Variants in MARCHF4 observed in about 807,000 individuals in gnomAD.
The protein encoded by MARCHF4 is E3 ubiquitin-protein ligase MARCHF4.
MARCHF4 carries 14 observed loss-of-function variants against 43.9 expected under a neutral mutation model. The ratio of observed to expected loss-of-function variants is 0.32; its 90% CI spans 0.21 to 0.50. MARCHF4 has a LOEUF of 0.50. MARCHF4 is among the 20% of genes least tolerant of loss of function. The pLI is 0.98. For missense variants in MARCHF4, 468 were observed against 536.7 expected (o/e 0.87, Z 1.27); for synonymous variants, 226 against 213.3 (o/e 1.06, Z -0.52).
At position 216,277,811 on chromosome 2, in the gene MARCHF4, G is replaced by C; in HGVS notation, c.726C>G (p.Ile242Met). The C allele has an allele frequency of 6.2e-7, 1 of 1,614,124 alleles. No individual in the cohort carries two copies. ...VIEKVQVAAA[I>M]LGSLFLIASI... ...TGGCGATGAGGAAGAGGGAGCCCAG[G>C]ATGGCGGCTGCAACCTGAACCTTCT... Residue 242 changes from isoleucine (I) to methionine (M), a missense_variant, in exon 3 of 4, where the codon ATC becomes ATG. By Grantham distance (10) the Ile-to-Met change is conservative (BLOSUM62 1). Coordinates refer to ENST00000273067, the MANE Select transcript of MARCHF4 (RefSeq NM_020814.3).
At chr2:216,306,499 C>A (rs183086569) in intron 1 of MARCHF4, among the ~76,000 whole-genome samples, 10,292 of 152,132 alleles carry the variant, frequency 0.068, 1,146 homozygotes, top group African/African-American at 0.24. Flanking sequence ...TTTGTCAAGA[C>A]ATTATAATCT....
chr2:216,278,005 T>C (rs376930129), intron 2 of MARCHF4, 141 bp from the exon 3 acceptor site: 1 of 682,722 alleles, frequency 1.5e-6, no homozygotes, highest in East Asian at 2.9e-5. Flanking sequence ...ACAATGAGCA[T>C]TTTGCAGGTT....
At chr2:216,357,329 A>T (rs1692518456) in intron 1 of MARCHF4, among the ~76,000 whole-genome samples, 1 of 152,060 alleles carries the variant, frequency 6.6e-6, no homozygotes, top group Non-Finnish European at 1.5e-5. Context: ...ACACACACAC[A>T]CACACAATTT....
At position 216,277,714 on chromosome 2, in the gene MARCHF4, T is replaced by C. The variant is rs1691049973; in HGVS notation, c.823A>G (p.Ile275Val). 3 of 1,613,862 alleles carry C rather than the reference T, an allele frequency of 1.9e-6. No homozygotes were observed. The highest frequency in any genetic ancestry group is 1.3e-5 in the African/African-American group (1 of 74,924). Residue 275 changes from isoleucine (I) to valine (V), a missense_variant, in exon 3 of 4, where the codon ATC (isoleucine) becomes GTC (valine). By Grantham distance (29) the Ile-to-Val change is conservative. Transcript: ENST00000273067. ...ATGAAGCCATACATCCCGTAGCAGA[T>C]CTGGAAGAGAAGGTCTTGGCGCTGC... ...RWQRQDLLFQ[I>V]CYGMYGFMDV...
At chr2:216,277,565 G>A in intron 3 of MARCHF4, 107 bp downstream of exon 3, 1 of 1,199,136 alleles carries the variant, frequency 8.3e-7, no homozygotes. Flanking sequence ...TCTCAAGCCT[G>A]GGGCCATATC....
At chr2:216,280,019 C>T (rs555786613) in intron 2 of MARCHF4, among the ~76,000 whole-genome samples, 3 of 152,278 alleles carry the variant, frequency 2.0e-5, no homozygotes, top group Admixed American at 1.3e-4. Context: ...ATCCCTAAAA[C>T]CCCTTCTACC....
intron 3 of MARCHF4, among the ~76,000 whole-genome samples, chr2:216,268,309 T>C (rs1246533854): frequency 6.6e-6 from 1 of 152,186 alleles, no homozygotes; most frequent in Non-Finnish European, 1.5e-5. Flanking sequence ...TAGAGGTGAT[T>C]AGTAGCCGAT....
intron 2 of MARCHF4, among the ~76,000 whole-genome samples, chr2:216,281,334 G>A: frequency 6.6e-6 from 1 of 152,136 alleles, no homozygotes; most frequent in East Asian, 1.9e-4. Context: ...TCAGTGCTGG[G>A]ATCACAAATG....
At chr2:216,331,902 A>G (rs1296670465) in intron 1 of MARCHF4, among the ~76,000 whole-genome samples, 3 of 152,226 alleles carry the variant, frequency 2.0e-5, no homozygotes, top group Non-Finnish European at 4.4e-5. Context: ...CCATGAAATC[A>G]GAAATGAAAA....
At chr2:216,351,105 G>A (rs984557117) in intron 1 of MARCHF4, among the ~76,000 whole-genome samples, 2 of 152,066 alleles carry the variant, frequency 1.3e-5, no homozygotes, top group Non-Finnish European at 2.9e-5. Context: ...TATATTTCTG[G>A]AGCATAATAG....
rs1356894410 is a variant in MARCHF4, at chr2:216,320,665, TTCTTTCTTTC to T, written c.517-36946_517-36937del. On this transcript the variant is annotated intron_variant, in intron 1 of 3. Coordinates refer to ENST00000273067, the MANE Select transcript of MARCHF4 (RefSeq NM_020814.3). Reference sequence around the variant, plus strand: ...TTTCTTTCTTTCTTTCTTTCTTTCTTTCTTTCTTTCTTTTTTTTTTTTTGAGATGGAGTCC... The same window carrying T: ...TTTCTTTCTTTCTTTCTTTCTTTCTTTTTTTTTTTTTTTGAGATGGAGTCC... Among the ~76,000 whole-genome samples the T allele has an allele frequency of 2.7e-4, 30 of 112,588 alleles. 1 individual carries two copies. Among genetic ancestry groups the T allele is most frequent in the African/African-American group, 1.0e-3 (24 of 23,824 alleles). 73.9% of individuals were successfully genotyped at this position (112,588 alleles called of 152,430 possible). A position where few individuals can be genotyped will look rare whatever the true frequency, so the allele number is the denominator to read the frequency against.
intron 1 of MARCHF4, among the ~76,000 whole-genome samples, chr2:216,327,432 A>AC (rs1337971175): frequency 6.6e-6 from 1 of 150,682 alleles, no homozygotes; most frequent in East Asian, 1.9e-4. Flanking sequence ...GCTCCTCCCC[A>AC]CCCCCAGCCA....
chr2:216,265,658 C>T (rs114778112), intron 3 of MARCHF4: 1 of 152,108 alleles, frequency 6.6e-6, no homozygotes, highest in Admixed American at 6.5e-5. Flanking sequence ...CCATGCCTGG[C>T]TAATTTCTGC....
chr2:216,359,068 C>T (rs562508312), intron 1 of MARCHF4, among the ~76,000 whole-genome samples: 3 of 152,298 alleles, frequency 2.0e-5, no homozygotes, highest in Non-Finnish European at 4.4e-5. Context: ...AGCTGGGTAA[C>T]AGACAAACCC....
Position 216,320,671 on chromosome 2 carries a change from CTTTCTTT to C in MARCHF4, c.517-36949_517-36943del, listed in dbSNP as rs1483739604. Among the ~76,000 whole-genome samples, 14 of 56,632 alleles carry C rather than the reference CTTTCTTT, an allele frequency of 2.5e-4. No homozygotes were observed. In the East Asian group the frequency reaches 4.0e-3, roughly 16 times the overall value. The allele number at this position is 56,632 out of a possible 152,430, so 37.2% of individuals were successfully genotyped here. Reference sequence around the variant, plus strand: ...TCTTTCTTTCTTTCTTTCTTTCTTTCTTTCTTTTTTTTTTTTTGAGATGGAGTCCCAC... The same window carrying C: ...TCTTTCTTTCTTTCTTTCTTTCTTTCTTTTTTTTTTGAGATGGAGTCCCAC... On this transcript the variant is annotated intron_variant, in intron 1 of 3. Transcript: ENST00000273067.
chr2:216,279,249 T>G (rs1691084742), intron 2 of MARCHF4, among the ~76,000 whole-genome samples: 1 of 152,132 alleles, frequency 6.6e-6, no homozygotes, highest in Non-Finnish European at 1.5e-5. Context: ...GAAAGGCCTG[T>G]GCCAGAAGAA....
intron 3 of MARCHF4, among the ~76,000 whole-genome samples, chr2:216,260,609 G>A (rs544690521): frequency 6.6e-6 from 1 of 152,336 alleles, no homozygotes; most frequent in South Asian, 2.1e-4. Flanking sequence ...CAGAGAGAAG[G>A]TCAGTGTGAC....
At chr2:216,325,111 T>G (rs544175145) in intron 1 of MARCHF4, among the ~76,000 whole-genome samples, 116 of 152,202 alleles carry the variant, frequency 7.6e-4, no homozygotes, top group African/African-American at 2.6e-3. Context: ...AGCAACCTCA[T>G]CAAAGTCTCA....
chr2:216,365,057 T>C (rs1692643108), intron 1 of MARCHF4, among the ~76,000 whole-genome samples: 1 of 152,210 alleles, frequency 6.6e-6, no homozygotes, highest in South Asian at 2.1e-4. Context: ...AGATACTAAA[T>C]AACCACACAA....
Sources: gnomAD v4.1 joint callset for allele counts (sites outside exome capture counted in the v4.1 genomes callset) on GRCh38, gnomAD v4.1.1 for gene constraint, MANE v1.5 for transcripts, NCBI Gene and HGNC (gene_info 2026-07-23, HGNC 2026-07-21) for gene names.